Variants in PRSS23 observed in about 807,000 individuals in gnomAD.
PRSS23 encodes the protein serine protease 23.
Under a neutral mutation model 34.7 loss-of-function variants are expected in PRSS23, and 25 were observed. The ratio of observed to expected loss-of-function variants is 0.72; its 90% CI spans 0.53 to 1.01. The LOEUF is 1.01. PRSS23 is among the 50% of genes least tolerant of loss of function. The pLI is 0.00. For missense variants in PRSS23, 445 were observed against 475.6 expected (o/e 0.94, Z 0.60); for synonymous variants, 176 against 186.6 (o/e 0.94, Z 0.46).
chr11:86,832,361 A>T (rs1056673813), intron 2 of PRSS23, among the ~76,000 whole-genome samples: 1 of 151,902 alleles, frequency 6.6e-6, no homozygotes, highest in Non-Finnish European at 1.5e-5. Flanking sequence ...CAGTGGGTGT[A>T]CTCCATGTGT....
chr11:86,847,218 G>A (rs1033283040), intron 2 of PRSS23, among the ~76,000 whole-genome samples: 2 of 152,070 alleles, frequency 1.3e-5, no homozygotes, highest in Non-Finnish European at 2.9e-5. Flanking sequence ...AGCTTACTAA[G>A]CCTCCTGTTG....
intron 2 of PRSS23, among the ~76,000 whole-genome samples, chr11:86,883,920 C>T (rs948920858): frequency 6.6e-6 from 1 of 151,582 alleles, no homozygotes; most frequent in African/African-American, 2.4e-5. Flanking sequence ...TCAAATTTAG[C>T]AGCCCAAAAT....
chr11:86,799,621 G>A (rs1412045595), upstream of PRSS23, among the ~76,000 whole-genome samples: 5 of 152,210 alleles, frequency 3.3e-5, no homozygotes, highest in Admixed American at 6.5e-5. Context: ...TAAATAGGAA[G>A]GCTCTAACAC....
intron 2 of PRSS23, among the ~76,000 whole-genome samples, chr11:86,945,262 G>C (rs944832717): frequency 1.3e-5 from 2 of 149,844 alleles, no homozygotes; most frequent in Admixed American, 6.6e-5. Context: ...CCTTTTTTAA[G>C]AGGCCAAAAG....
chr11:86,844,384 A>T (rs889442727), intron 2 of PRSS23, among the ~76,000 whole-genome samples: 20 of 147,928 alleles, frequency 1.4e-4, no homozygotes, highest in African/African-American at 5.1e-4. Context: ...CAGGTTGTGG[A>T]CATGTACCCT....
intron 2 of PRSS23, among the ~76,000 whole-genome samples, chr11:86,916,025 A>G (rs1949010583): frequency 6.6e-6 from 1 of 152,240 alleles, no homozygotes; most frequent in South Asian, 2.1e-4. Context: ...ACTGCATTCC[A>G]GCCTGGGTGA....
At chr11:86,931,734 G>A (rs377479878) in intron 2 of PRSS23, among the ~76,000 whole-genome samples, 49 of 152,168 alleles carry the variant, frequency 3.2e-4, no homozygotes, top group African/African-American at 9.2e-4. Context: ...CTCAAGCTCC[G>A]GAGCTCAAGT....
chr11:86,850,527 T>C (rs1278531999), intron 2 of PRSS23, among the ~76,000 whole-genome samples: 1 of 152,194 alleles, frequency 6.6e-6, no homozygotes, highest in East Asian at 1.9e-4. Flanking sequence ...ATGAATAATA[T>C]TGAAGATATA....
At position 86,809,486 on chromosome 11, in the gene PRSS23, T is replaced by C. The variant is rs1378806837; in HGVS notation, c.*691T>C. ...TTCCAAAGGTTGTTGCTCTACTTTGTAGGAAGTCTTTGCATATGGCCCTCC... is the reference window on the plus strand; with the variant it reads ...TTCCAAAGGTTGTTGCTCTACTTTGCAGGAAGTCTTTGCATATGGCCCTCC... On this transcript the variant is annotated 3_prime_UTR_variant, in exon 2 of 2. Coordinates refer to ENST00000280258, the MANE Select transcript of PRSS23 (RefSeq NM_007173.6). 6.0e-6 allele frequency: 1 copy of C among 167,136 alleles called. No individual in the cohort carries two copies. Among genetic ancestry groups the C allele is most frequent in the Non-Finnish European group, 1.5e-5 (1 of 68,132 alleles). 10.4% of individuals were successfully genotyped at this position (167,136 alleles called of 1,614,324 possible). A position where few individuals can be genotyped will look rare whatever the true frequency, so the allele number is the denominator to read the frequency against.
intron 2 of PRSS23, among the ~76,000 whole-genome samples, chr11:86,842,495 G>A (rs1185365734): frequency 1.3e-5 from 2 of 152,006 alleles, no homozygotes; most frequent in African/African-American, 4.8e-5. Context: ...GTCAAATTCT[G>A]TTTGCAGACG....
intron 1 of PRSS23, among the ~76,000 whole-genome samples, chr11:86,794,352 AT>A (rs1947968297): frequency 6.6e-6 from 1 of 152,314 alleles, no homozygotes; most frequent in East Asian, 1.9e-4. Context: ...ACCAGAGAAA[AT>A]GAGAAACACA....
intron 2 of PRSS23, among the ~76,000 whole-genome samples, chr11:86,926,493 C>A (rs1337278107): frequency 6.6e-6 from 1 of 152,060 alleles, no homozygotes; most frequent in African/African-American, 2.4e-5. Context: ...AAAGGGGTAC[C>A]CATAATTATA....
intron 2 of PRSS23, among the ~76,000 whole-genome samples, chr11:86,932,312 C>A (rs905867395): frequency 6.6e-6 from 1 of 152,172 alleles, no homozygotes; most frequent in African/African-American, 2.4e-5. Flanking sequence ...AGCTGCTAGA[C>A]TGGAGTCTTG....
chr11:86,829,667 G>A (rs1470285695), intron 2 of PRSS23, among the ~76,000 whole-genome samples: 1 of 151,914 alleles, frequency 6.6e-6, no homozygotes, highest in Admixed American at 6.5e-5. Context: ...TGGGTTTTTG[G>A]TGTGGATGTC....
At chr11:86,896,520 A>T (rs549474330) in intron 2 of PRSS23, 12 of 152,354 alleles carry the variant, frequency 7.9e-5, no homozygotes, top group African/African-American at 2.9e-4. Context: ...AGCATCAGCC[A>T]GGAAGGTTAA....
At chr11:86,798,860 GT>G (rs1015391474), upstream of PRSS23, among the ~76,000 whole-genome samples, 1 of 151,968 alleles carries the variant, frequency 6.6e-6, no homozygotes, top group Non-Finnish European at 1.5e-5. Flanking sequence ...AACTGGCTAG[GT>G]TTTTTGTATT....
intron 2 of PRSS23, among the ~76,000 whole-genome samples, chr11:86,884,262 C>T (rs763570217): frequency 6.6e-6 from 1 of 152,146 alleles, no homozygotes; most frequent in Non-Finnish European, 1.5e-5. Context: ...ATTCACCCCC[C>T]ACATTGCCAA....
chr11:86,887,769 T>TGGCTG (rs772302894), intron 2 of PRSS23, among the ~76,000 whole-genome samples: 100 of 152,196 alleles, frequency 6.6e-4, no homozygotes, highest in Non-Finnish European at 2.8e-4. Flanking sequence ...TACACAATGT[T>TGGCTG]GGCTGGGCGC....
Position 86,808,960 on chromosome 11 carries a change from CTT to C in PRSS23, c.*167_*168del, listed in dbSNP as rs1446550336. 8.0e-6 allele frequency: 5 copies of C among 622,146 alleles called. No homozygotes were observed. Among genetic ancestry groups the C allele is most frequent in the African/African-American group, 1.9e-5 (1 of 54,050 alleles). 38.5% of individuals were successfully genotyped at this position (622,146 alleles called of 1,614,324 possible). A position where few individuals can be genotyped will look rare whatever the true frequency, so the allele number is the denominator to read the frequency against. On this transcript the variant is annotated 3_prime_UTR_variant, in exon 2 of 2. Transcript: ENST00000280258. ...TTTCTTACAATTGCAAGATGACTGG[CTT>C]TACTATTTGAAAACTGGTTTGTGTA...
Sources: gnomAD v4.1 joint callset for allele counts (sites outside exome capture counted in the v4.1 genomes callset) on GRCh38, gnomAD v4.1.1 for gene constraint, MANE v1.5 for transcripts, NCBI Gene and HGNC (gene_info 2026-07-23, HGNC 2026-07-21) for gene names.